The following SCN2A variants were observed in gnomAD, a reference collection of about 807,000 sequenced individuals.
SCN2A encodes sodium voltage-gated channel alpha subunit 2.
A neutral mutation model predicts 188.7 loss-of-function variants in SCN2A; 20 were observed. The observed-to-expected ratio is 0.11, with a 90% CI of 0.07 to 0.15. The LOEUF is 0.15. Ranked by LOEUF, SCN2A falls within the 10% of genes least tolerant of loss-of-function variation. The pLI, the probability that SCN2A is intolerant of heterozygous loss-of-function variation, is 1.00. For missense variants in SCN2A, 1,278 were observed against 2,445.0 expected, an observed-to-expected ratio of 0.52 and a Z score of 10.07; for synonymous variants, 804 against 833.1, an observed-to-expected ratio of 0.97 and a Z score of 0.60.
intron 1 of SCN2A, among the ~76,000 whole-genome samples, chr2:165,264,798 T>G (rs183848904): frequency 5.3e-5 from 8 of 152,278 alleles, no homozygotes; most frequent in Admixed American, 5.2e-4. Flanking sequence ...GGACATGATC[T>G]CATTCTTTTT....
intron 14 of SCN2A, among the ~76,000 whole-genome samples, chr2:165,339,534 G>A (rs1053161687): frequency 5.9e-5 from 9 of 151,694 alleles, no homozygotes; most frequent in Non-Finnish European, 1.3e-4. Context: ...AGAAATAAAC[G>A]CGATATTAAA....
intron 17 of SCN2A, among the ~76,000 whole-genome samples, chr2:165,359,191 T>C (rs1321214134): frequency 6.6e-6 from 1 of 152,102 alleles, no homozygotes; most frequent in African/African-American, 2.4e-5. Context: ...AGGAATGGGA[T>C]GTAAAATGGG....
At chr2:165,290,852 A>G (rs1426207815) in intron 1 of SCN2A, 8 of 837,770 alleles carry the variant, frequency 9.5e-6, no homozygotes, top group Non-Finnish European at 1.2e-5. Flanking sequence ...ATATGTATAT[A>G]TCCCGATATT....
At position 165,239,491 on chromosome 2, in the gene SCN2A, T is replaced by G; in HGVS notation, c.-201T>G. On this transcript the variant is annotated 5_prime_UTR_variant, in exon 1 of 27. Coordinates refer to ENST00000375437, the MANE Select transcript of SCN2A (RefSeq NM_001040142.2). ...GGAGGGAGGATGCTGTGGTCATCCT[T>G]TCTTGTTTTTTTCTTCTTTAATGAG... The G allele has an allele frequency of 3.6e-6, 1 of 279,924 alleles. No homozygotes were observed. Among genetic ancestry groups the G allele is most frequent in the Non-Finnish European group, 5.4e-6 (1 of 185,000 alleles). 17.3% of individuals were successfully genotyped at this position (279,924 alleles called of 1,614,324 possible).
In SCN2A at chr2:165,389,984, G is replaced by A. The variant is rs906967325; in HGVS notation, c.*160G>A. 4.1e-6 allele frequency: 5 copies of A among 1,216,316 alleles called. No homozygotes were observed. The highest frequency in any genetic ancestry group is 5.6e-6 in the Non-Finnish European group (5 of 899,134). The allele number at this position is 1,216,316 out of a possible 1,614,324, so 75.3% of individuals were successfully genotyped here. On this transcript the variant is annotated 3_prime_UTR_variant, in exon 27 of 27. Transcript: ENST00000375437. The surrounding 1 kb of genome is among the most constrained non-coding windows in gnomAD (Gnocchi z 4.2). The stretch of plus-strand genomic sequence containing the variant: ...GCCTATAACAAGACAGAGACCTCTG[G>A]TCAGCAAACTGGAACTCAGTAAACT...
At position 165,310,471 on chromosome 2, in the gene SCN2A, T is replaced by G; in HGVS notation, c.846T>G (p.Pro282=). The change falls in exon 7 of 27, where the codon CCT becomes CCG. Residue 282 remains proline (P), a synonymous_variant. Coordinates refer to ENST00000375437, the MANE Select transcript of SCN2A (RefSeq NM_001040142.2). The stretch of plus-strand genomic sequence containing the variant: ...TACGAAATAAATGTTTGCAATGGCC[T>G]CCAGATAATTCTTCCTTTGAAATAA... ...GNLRNKCLQW[P]PDNSSFEINI... The G allele has an allele frequency of 6.2e-7, 1 of 1,613,646 alleles. No homozygotes were observed. The highest frequency in any genetic ancestry group is 8.5e-7 in the Non-Finnish European group (1 of 1,179,612).
intron 1 of SCN2A, among the ~76,000 whole-genome samples, chr2:165,281,912 C>T (rs1004624536): frequency 3.9e-5 from 6 of 152,102 alleles, no homozygotes; most frequent in African/African-American, 1.4e-4. Flanking sequence ...GACTGTGGAG[C>T]ATGTTCTGGG....
Position 165,313,640 on chromosome 2 carries a change from T to C in SCN2A, c.1055T>C (p.Ile352Thr), listed in dbSNP as rs796053176. 1 of 1,613,576 alleles carries C rather than the reference T, an allele frequency of 6.2e-7. No homozygotes were observed. The highest frequency in any genetic ancestry group is 8.5e-7 in the Non-Finnish European group (1 of 1,179,570). Residue 352 changes from isoleucine to threonine, a missense_variant, in exon 9 of 27, where the codon ATC becomes ACC. Physicochemically the swap from Ile to Thr is moderately conservative, Grantham distance 89. This residue lies in a region of SCN2A where 42 missense variants were observed against 137.3 expected (regional missense o/e 0.31). Coordinates refer to ENST00000375437, the MANE Select transcript of SCN2A (RefSeq NM_001040142.2). ...TATAGCCAGTGTCCTGAAGGATACA[T>C]CTGTGTGAAGGCTGGTAGAAACCCC... The part of the protein sequence containing the change: ...SDAGQCPEGY[I>T]CVKAGRNPNY...
intron 1 of SCN2A, among the ~76,000 whole-genome samples, chr2:165,256,162 C>A (rs116959521): frequency 6.6e-6 from 1 of 151,782 alleles, no homozygotes; most frequent in African/African-American, 2.4e-5. Flanking sequence ...CCTGCCCCCA[C>A]GGCCGACTAA....
At chr2:165,296,229 A>G (rs1696503790) in intron 2 of SCN2A, 139 bp downstream of exon 2, 1 of 795,632 alleles carries the variant, frequency 1.3e-6, no homozygotes. Flanking sequence ...CTGACCGTGT[A>G]ATGGACCAAT....
At chr2:165,278,600 C>T (rs1695448182) in intron 1 of SCN2A, among the ~76,000 whole-genome samples, 1 of 152,070 alleles carries the variant, frequency 6.6e-6, no homozygotes, top group African/African-American at 2.4e-5. Context: ...GGTGGGGACA[C>T]AAAGCCTAAT....
At chr2:165,384,187 G>T (rs901106477) in intron 25 of SCN2A, among the ~76,000 whole-genome samples, 1 of 151,870 alleles carries the variant, frequency 6.6e-6, no homozygotes, top group Admixed American at 6.6e-5. Flanking sequence ...AAATGCAAAA[G>T]GAAACAGAGG....
At chr2:165,260,212 G>T (rs1244216458) in intron 1 of SCN2A, among the ~76,000 whole-genome samples, 1 of 152,052 alleles carries the variant, frequency 6.6e-6, no homozygotes, top group Non-Finnish European at 1.5e-5. Flanking sequence ...CAAAGTGCTA[G>T]GATTATAGGC....
At chr2:165,356,717 AC>A (rs2105341346) in intron 17 of SCN2A, among the ~76,000 whole-genome samples, 1 of 152,322 alleles carries the variant, frequency 6.6e-6, no homozygotes, top group Non-Finnish European at 1.5e-5. Flanking sequence ...AGTCTTCTTA[AC>A]TTTAAGAGAT....
At chr2:165,264,964 A>C (rs145268752) in intron 1 of SCN2A, among the ~76,000 whole-genome samples, 7 of 152,176 alleles carry the variant, frequency 4.6e-5, no homozygotes, top group Middle Eastern at 3.4e-3. Flanking sequence ...AGCGTGATTT[A>C]TATTCCTTTG....
At position 165,389,032 on chromosome 2, in the gene SCN2A, T is replaced by A. The variant is rs1163053403; in HGVS notation, c.5226T>A (p.Val1742=). ...DPDKDHPGSS[V]KGDCGNPSVG... is the part of the protein sequence containing the mutation. The stretch of plus-strand genomic sequence containing the variant: ...ACAAAGATCACCCTGGAAGCTCAGT[T>A]AAAGGAGACTGTGGGAACCCATCTG... The change falls in exon 27 of 27, where the codon GTT becomes GTA. Residue 1742 remains valine (V), a synonymous_variant. Transcript: ENST00000375437. The surrounding 1 kb of genome is among the most constrained non-coding windows in gnomAD (Gnocchi z 4.2). 6.2e-7 allele frequency: 1 copy of A among 1,614,122 alleles called. No homozygotes were observed. Among genetic ancestry groups the A allele is most frequent in the South Asian group, 1.1e-5 (1 of 91,078 alleles).
intron 4 of SCN2A, 152 bp downstream of exon 4, chr2:165,308,089 T>G: frequency 1.4e-6 from 1 of 707,924 alleles, no homozygotes; most frequent in Non-Finnish European, 2.6e-6. Flanking sequence ...AAATGTCTTC[T>G]AGGACAAAGC....
At chr2:165,311,462 T>C (rs1697424145) in intron 7 of SCN2A, among the ~76,000 whole-genome samples, 1 of 152,108 alleles carries the variant, frequency 6.6e-6, no homozygotes, top group African/African-American at 2.4e-5. Context: ...AAGTTTATTT[T>C]CTTCATTTGA....
chr2:165,301,379 C>G (rs901806588), intron 3 of SCN2A, among the ~76,000 whole-genome samples: 3 of 152,038 alleles, frequency 2.0e-5, no homozygotes, highest in Non-Finnish European at 4.4e-5. Flanking sequence ...CTGAGACCCT[C>G]CCTCCAAATC....
Sources: gnomAD v4.1 joint callset for allele counts (sites outside exome capture counted in the v4.1 genomes callset) on GRCh38, gnomAD v4.1.1 for gene constraint, gnomAD v4.1.1 regional missense constraint, Gnocchi (gnomAD v3.1) non-coding constraint, MANE v1.5 for transcripts, NCBI Gene and HGNC (gene_info 2026-07-23, HGNC 2026-07-21) for gene names.